The following MCC variants were observed in gnomAD, a reference collection of about 807,000 sequenced individuals.
The protein encoded by MCC is MCC regulator of Wnt signaling pathway.
Under a neutral mutation model 116.2 loss-of-function variants are expected in MCC, and 90 were observed. The observed-to-expected ratio is 0.77, with a 90% CI of 0.65 to 0.92. MCC has a LOEUF of 0.92. Ranked by LOEUF, MCC falls within the 40% of genes least tolerant of loss-of-function variation. The pLI is 0.00. For missense variants in MCC, 1,516 were observed against 1,312.2 expected, an observed-to-expected ratio of 1.16 and a Z score of -2.40; for synonymous variants, 578 against 510.5, an observed-to-expected ratio of 1.13 and a Z score of -1.78.
At chr5:113,194,391 G>A (rs938601610) in intron 3 of MCC, among the ~76,000 whole-genome samples, 43 of 152,240 alleles carry the variant, frequency 2.8e-4, no homozygotes, top group Admixed American at 2.6e-3. Context: ...CCTGGTCTGC[G>A]TGGGGGCTCA....
intron 3 of MCC, among the ~76,000 whole-genome samples, chr5:113,201,385 T>A (rs1157090329): frequency 2.8e-4 from 6 of 21,792 alleles, no homozygotes; most frequent in Non-Finnish European, 6.1e-4. Flanking sequence ...AAACGCCATC[T>A]CCAAAAAAAA....
At chr5:113,192,643 G>A (rs1464667812) in intron 3 of MCC, among the ~76,000 whole-genome samples, 1 of 152,184 alleles carries the variant, frequency 6.6e-6, no homozygotes, top group Non-Finnish European at 1.5e-5. Context: ...ATTAAAATGG[G>A]AGTTACACCT....
chr5:113,402,980 C>T (rs1251771682), intron 1 of MCC, among the ~76,000 whole-genome samples: 1 of 152,038 alleles, frequency 6.6e-6, no homozygotes, highest in Non-Finnish European at 1.5e-5. Context: ...ATATTAGATT[C>T]AATGCTGCCA....
intron 11 of MCC, among the ~76,000 whole-genome samples, chr5:113,077,952 A>G (rs1446656799): frequency 6.6e-6 from 1 of 152,224 alleles, no homozygotes; most frequent in African/African-American, 2.4e-5. Context: ...AATAGACGCA[A>G]TAAAAAATAA....
At chr5:113,285,481 C>G (rs1766216393) in intron 3 of MCC, among the ~76,000 whole-genome samples, 1 of 152,032 alleles carries the variant, frequency 6.6e-6, no homozygotes, top group African/African-American at 2.4e-5. Flanking sequence ...GAACTGTTTT[C>G]TTGGACCTCA....
intron 3 of MCC, among the ~76,000 whole-genome samples, chr5:113,201,365 G>A (rs12332686): frequency 0.49 from 70,187 of 144,510 alleles, 20,541 homozygotes; most frequent in East Asian, 0.7. Context: ...CAGCCTGGGC[G>A]ACAAGAGCAA....
chr5:113,125,565 C>A (rs1160255258), intron 5 of MCC, among the ~76,000 whole-genome samples: 1 of 152,154 alleles, frequency 6.6e-6, no homozygotes, highest in African/African-American at 2.4e-5. Context: ...GGGGCTGGAA[C>A]CTGGGACCGG....
rs547696861 is a variant in MCC at position 113,432,108 on chromosome 5, C to T, written c.171-46896G>A. Reference sequence around the variant, plus strand: ...CCAAGATCGTGCCACTGCACTCCAGCCTGGAGATAGAGCGAGACTCCGTCT... The same window carrying T: ...CCAAGATCGTGCCACTGCACTCCAGTCTGGAGATAGAGCGAGACTCCGTCT... On this transcript the variant is annotated intron_variant, in intron 1 of 18. Coordinates refer to ENST00000408903, the MANE Select transcript of MCC (RefSeq NM_001085377.2). Among the ~76,000 whole-genome samples, 6 of 151,828 alleles carry T rather than the reference C, an allele frequency of 4.0e-5. No homozygotes were observed. In the South Asian group the frequency reaches 1.0e-3, roughly 26 times the overall value.
chr5:113,344,105 A>T (rs1380453388), intron 2 of MCC, among the ~76,000 whole-genome samples: 1 of 152,140 alleles, frequency 6.6e-6, no homozygotes, highest in Non-Finnish European at 1.5e-5. Context: ...TACCATGGAG[A>T]ATCTGTGCTT....
At chr5:113,287,930 G>C (rs1766326495) in intron 3 of MCC, among the ~76,000 whole-genome samples, 1 of 152,222 alleles carries the variant, frequency 6.6e-6, no homozygotes, top group Non-Finnish European at 1.5e-5. Flanking sequence ...TCAGAATCAA[G>C]CTTCTCTCCC....
At chr5:113,062,558 C>T (rs139176612) in intron 14 of MCC, among the ~76,000 whole-genome samples, 46 of 152,312 alleles carry the variant, frequency 3.0e-4, no homozygotes, top group Non-Finnish European at 4.7e-4. Context: ...TCACTGACAA[C>T]ATGAGAACTA....
chr5:113,425,430 T>C (rs1208173651), intron 1 of MCC, among the ~76,000 whole-genome samples: 1 of 152,198 alleles, frequency 6.6e-6, no homozygotes, highest in Non-Finnish European at 1.5e-5. Context: ...AAACACAGTA[T>C]ATTGGGCTTG....
At chr5:113,157,755 G>A (rs902624882) in intron 3 of MCC, among the ~76,000 whole-genome samples, 7 of 152,252 alleles carry the variant, frequency 4.6e-5, no homozygotes, top group Non-Finnish European at 2.9e-5. Context: ...AACACCTGCA[G>A]TGGACGCCTG....
intron 3 of MCC, among the ~76,000 whole-genome samples, chr5:113,261,011 G>C (rs1765200891): frequency 1.3e-5 from 2 of 152,134 alleles, no homozygotes; most frequent in African/African-American, 4.8e-5. Context: ...CCTTTGTGAT[G>C]AATTATGTGG....
intron 6 of MCC, among the ~76,000 whole-genome samples, chr5:113,112,222 C>T (rs569793424): frequency 1.3e-5 from 2 of 152,258 alleles, no homozygotes; most frequent in East Asian, 3.9e-4. Context: ...CATGCTGGGT[C>T]TTTATTAAGC....
At chr5:113,098,475 T>C (rs923970128) in intron 8 of MCC, among the ~76,000 whole-genome samples, 2 of 152,236 alleles carry the variant, frequency 1.3e-5, no homozygotes, top group African/African-American at 4.8e-5. Flanking sequence ...GTAATTCCTT[T>C]ACAGAGTAAT....
At chr5:113,384,515 G>A (rs1769200580) in intron 2 of MCC, among the ~76,000 whole-genome samples, 1 of 152,148 alleles carries the variant, frequency 6.6e-6, no homozygotes, top group African/African-American at 2.4e-5. Flanking sequence ...GGGAACCCGG[G>A]AGGCAGAGGT....
intron 2 of MCC, among the ~76,000 whole-genome samples, chr5:113,342,325 T>A (rs1235073228): frequency 1.3e-5 from 2 of 152,224 alleles, no homozygotes; most frequent in African/African-American, 4.8e-5. Flanking sequence ...CTTTTTCATA[T>A]AATGACACTT....
At chr5:113,209,215 C>T (rs1002519594) in intron 3 of MCC, among the ~76,000 whole-genome samples, 2 of 152,174 alleles carry the variant, frequency 1.3e-5, no homozygotes, top group African/African-American at 4.8e-5. Flanking sequence ...GCATAAAAAA[C>T]TCATCTGATT....
Sources: allele counts gnomAD v4.1 joint callset (sites outside exome capture counted in the v4.1 genomes callset), GRCh38; gene constraint gnomAD v4.1.1; transcripts MANE v1.5; gene names NCBI Gene and HGNC (gene_info 2026-07-23, HGNC 2026-07-21).